The following SCTR variants were observed in gnomAD, a reference collection of about 807,000 sequenced individuals.
SCTR encodes the protein pancreatic secretin receptor.
A neutral mutation model predicts 60.8 loss-of-function variants in SCTR; 56 were observed. That is an observed-to-expected ratio of 0.92 (90% CI 0.74 to 1.15). The LOEUF (loss-of-function observed/expected upper bound fraction) is 1.15, where lower values mean the gene tolerates loss of function less well. Ranked by LOEUF, SCTR falls within the 50% of genes most tolerant of loss-of-function variation. The pLI, the probability that SCTR is intolerant of heterozygous loss-of-function variation, is 0.00. For synonymous variants in SCTR, 202 were observed against 217.0 expected, an observed-to-expected ratio of 0.93 and a Z score of 0.61; for missense variants, 562 against 550.4, an observed-to-expected ratio of 1.02 and a Z score of -0.21.
chr2:119,508,383 C>CTTT (rs34070844), intron 1 of SCTR, among the ~76,000 whole-genome samples: 1,142 of 77,402 alleles, frequency 0.015, 3 homozygotes, highest in Non-Finnish European at 0.018. Context: ...TCTTCTTCTT[C>CTTT]TTTTTTTTTT....
intron 7 of SCTR, among the ~76,000 whole-genome samples, chr2:119,454,081 C>G (rs2579642): frequency 2.0e-5 from 3 of 151,874 alleles, no homozygotes; most frequent in Non-Finnish European, 4.4e-5. Context: ...AGAGGAGAGA[C>G]GGCAACACGC....
At chr2:119,510,992 T>C (rs1159730429) in intron 1 of SCTR, among the ~76,000 whole-genome samples, 1 of 151,856 alleles carries the variant, frequency 6.6e-6, no homozygotes, top group Admixed American at 6.6e-5. Context: ...GGTCAAGAGA[T>C]GGAGACCATC....
chr2:119,475,276 CA>C lies in SCTR; in HGVS notation c.302-1721del, dbSNP rs1677221636. 2.6e-5 allele frequency among the ~76,000 whole-genome samples: 4 copies of C among 152,318 alleles called. 1 individual carries two copies. The South Asian group carries it at 8.3e-4, about 32-fold the overall frequency. ...GATGGGAAAGCAAGTTAAGGGAACA[CA>C]AATTCCCCCAAGGCCAGAATCGAAG... On this transcript the variant is annotated intron_variant, in intron 3 of 12. Transcript: ENST00000019103.
chr2:119,522,243 C>A (rs1018972822), intron 1 of SCTR, among the ~76,000 whole-genome samples: 2 of 151,970 alleles, frequency 1.3e-5, no homozygotes, highest in African/African-American at 4.8e-5. Context: ...TTACAGTAAG[C>A]CAAGATCGCG....
chr2:119,481,081 G>A (rs977199882), intron 2 of SCTR, among the ~76,000 whole-genome samples: 7 of 152,210 alleles, frequency 4.6e-5, no homozygotes, highest in South Asian at 4.1e-4. Flanking sequence ...CCCCTTTCCC[G>A]CTGGCCTCCC....
chr2:119,506,128 T>C (rs563240546), intron 1 of SCTR, among the ~76,000 whole-genome samples: 1 of 152,166 alleles, frequency 6.6e-6, no homozygotes, highest in East Asian at 1.9e-4. Context: ...ACCAGGCAAC[T>C]AAACATGCAA....
At chr2:119,442,462 C>T (rs984055575) in intron 11 of SCTR, among the ~76,000 whole-genome samples, 5 of 152,238 alleles carry the variant, frequency 3.3e-5, no homozygotes, top group African/African-American at 1.2e-4. Flanking sequence ...TGGCCCAACT[C>T]CTCCTCCCTA....
At chr2:119,520,065 C>T (rs1679243265) in intron 1 of SCTR, among the ~76,000 whole-genome samples, 1 of 152,160 alleles carries the variant, frequency 6.6e-6, no homozygotes, top group Non-Finnish European at 1.5e-5. Flanking sequence ...ATTAAAGGAG[C>T]CTTCATCATC....
chr2:119,447,862 G>A (rs560034603), intron 10 of SCTR, among the ~76,000 whole-genome samples: 8 of 152,310 alleles, frequency 5.3e-5, no homozygotes, highest in South Asian at 2.1e-4. Flanking sequence ...GTGAGCCACC[G>A]CGCCTGGATG....
chr2:119,469,496 T>G (rs1035606115), intron 4 of SCTR, among the ~76,000 whole-genome samples: 15 of 152,074 alleles, frequency 9.9e-5, no homozygotes, highest in African/African-American at 3.4e-4. Context: ...TAGCTTTTTT[T>G]TTGTTGGTTT....
At chr2:119,511,208 G>C (rs979689133) in intron 1 of SCTR, among the ~76,000 whole-genome samples, 6 of 150,408 alleles carry the variant, frequency 4.0e-5, no homozygotes, top group Admixed American at 2.7e-4. Context: ...TGAGATCTCC[G>C]TCTCAAAAAA....
At chr2:119,511,064 G>T (rs1481705062) in intron 1 of SCTR, among the ~76,000 whole-genome samples, 2 of 151,980 alleles carry the variant, frequency 1.3e-5, no homozygotes, top group Non-Finnish European at 2.9e-5. Context: ...TTAGCCAGGC[G>T]TGATGGCGAG....
intron 1 of SCTR, among the ~76,000 whole-genome samples, chr2:119,514,388 C>T (rs1679048262): frequency 6.6e-6 from 1 of 152,112 alleles, no homozygotes; most frequent in Non-Finnish European, 1.5e-5. Flanking sequence ...AACTTGGAGG[C>T]TATGGAGCAT....
intron 2 of SCTR, among the ~76,000 whole-genome samples, 200 bp downstream of exon 2, chr2:119,494,228 G>T (rs1001730949): frequency 6.6e-6 from 1 of 152,192 alleles, no homozygotes; most frequent in Non-Finnish European, 1.5e-5. Context: ...AAGGAAGAGT[G>T]GTGAGGATCT....
chr2:119,440,161 G>A lies in SCTR; in HGVS notation c.1279C>T (p.His427Tyr). 6.2e-7 allele frequency: 1 copy of A among 1,614,050 alleles called. No individual in the cohort carries two copies. Residue 427 changes from histidine to tyrosine, a missense_variant, in exon 13 of 13, where the codon CAC becomes TAC. By Grantham distance (83) the His-to-Tyr change is moderately conservative. Transcript: ENST00000019103. ...ASFSNSTKAS[H>Y]LEQSQGTCRT... is the part of the protein sequence containing the mutation. ...CAGGTGCCCTGGCTCTGCTCCAAGT[G>A]GCTGGCCTTGGTGCTGTTGCTGAAG...
chr2:119,473,400 C>T (rs948090477), intron 4 of SCTR, 53 bp downstream of exon 4: 13 of 1,303,308 alleles, frequency 1.0e-5, no homozygotes, highest in Non-Finnish European at 1.3e-5. Context: ...AGGGCCTCCT[C>T]ACCCTATAGG....
At chr2:119,523,892 C>T (rs770276334) in intron 1 of SCTR, among the ~76,000 whole-genome samples, 25 of 152,166 alleles carry the variant, frequency 1.6e-4, no homozygotes, top group Non-Finnish European at 2.6e-4. Flanking sequence ...AGAAGCCAGA[C>T]CAGAGGAAGG....
chr2:119,494,567 G>A lies in SCTR; in HGVS notation c.73-19C>T, dbSNP rs370009427. On this transcript the variant is annotated intron_variant, in intron 1 of 12. Coordinates refer to ENST00000019103, the MANE Select transcript of SCTR (RefSeq NM_002980.3). The stretch of plus-strand genomic sequence containing the variant: ...CTCCAGTCTGCAAGTCCAAAACCAG[G>A]GATGCTCATCATTGCCACTAACTCA... The A allele has an allele frequency of 6.2e-7, 1 of 1,613,046 alleles. No individual in the cohort carries two copies. Among genetic ancestry groups the A allele is most frequent in the South Asian group, 1.1e-5 (1 of 90,992 alleles).
In SCTR at chr2:119,473,665, A is replaced by G. The variant is rs561873650; in HGVS notation, c.302-109T>C. On this transcript the variant is annotated intron_variant, in intron 3 of 12. Transcript: ENST00000019103. ...GCTACAACCACTCTATAGTGTGGAA[A>G]CTGAGGCACACAGCAGTTCCAGAAC... 6 of 721,876 alleles carry G rather than the reference A, an allele frequency of 8.3e-6. No homozygotes were observed. In the South Asian group the frequency reaches 9.6e-5, roughly 12 times the overall value. 44.7% of individuals were successfully genotyped at this position (721,876 alleles called of 1,614,324 possible).
Sources: allele counts gnomAD v4.1 joint callset (sites outside exome capture counted in the v4.1 genomes callset), GRCh38; gene constraint gnomAD v4.1.1; transcripts MANE v1.5; gene names NCBI Gene and HGNC (gene_info 2026-07-23, HGNC 2026-07-21).